Variants in LRBA observed in about 807,000 individuals in gnomAD.
The protein encoded by LRBA is lipopolysaccharide-responsive and beige-like anchor protein.
Under a neutral mutation model 330.0 loss-of-function variants are expected in LRBA, and 176 were observed. The observed-to-expected ratio is 0.53, with a 90% confidence interval of 0.47 to 0.60. The LOEUF (loss-of-function observed/expected upper bound fraction) is 0.60, where lower values mean the gene tolerates loss of function less well. Ranked by LOEUF, LRBA falls within the 20% of genes least tolerant of loss-of-function variation. LRBA has a pLI of 0.00. For missense variants in LRBA, 3,259 were observed against 3,444.8 expected, an observed-to-expected ratio of 0.95 and a Z score of 1.35; for synonymous variants, 1,230 against 1,193.0, an observed-to-expected ratio of 1.03 and a Z score of -0.64.
chr4:150,953,682 G>C (rs913447314), intron 2 of LRBA, among the ~76,000 whole-genome samples: 1 of 152,050 alleles, frequency 6.6e-6, no homozygotes, highest in Non-Finnish European at 1.5e-5. Flanking sequence ...TGCCCAGGCT[G>C]GAGTGCAGTG....
At chr4:150,860,828 G>C (rs1751826030) in intron 22 of LRBA, among the ~76,000 whole-genome samples, 1 of 151,354 alleles carries the variant, frequency 6.6e-6, no homozygotes, top group Non-Finnish European at 1.5e-5. Context: ...AAAAAAAAAA[G>C]AAATATATAA....
chr4:150,597,050 T>A lies in LRBA; in HGVS notation c.6046+1957A>T, dbSNP rs1027468384. The A allele has an allele frequency of 1.1e-5, 13 of 1,145,218 alleles. No homozygotes were observed. The Admixed American group carries it at 2.1e-4, about 19-fold the overall frequency. 70.9% of individuals were successfully genotyped at this position (1,145,218 alleles called of 1,614,324 possible). A position where few individuals can be genotyped will look rare whatever the true frequency, so the allele number is the denominator to read the frequency against. On this transcript the variant is annotated intron_variant, in intron 38 of 56. Transcript: ENST00000651943. ...ACATTTTGGAGTATGACAATAATCATAAAATTACTATAAAATATTACTCAA... is the reference window on the plus strand; with the variant it reads ...ACATTTTGGAGTATGACAATAATCAAAAAATTACTATAAAATATTACTCAA...
intron 44 of LRBA, among the ~76,000 whole-genome samples, chr4:150,454,205 C>T (rs752620103): frequency 4.6e-5 from 7 of 152,032 alleles, no homozygotes; most frequent in East Asian, 1.9e-4. Context: ...ATGATCTGAC[C>T]GCCTTGGCCT....
chr4:150,791,080 A>G (rs1739838700), intron 34 of LRBA, among the ~76,000 whole-genome samples: 1 of 152,222 alleles, frequency 6.6e-6, no homozygotes, highest in African/African-American at 2.4e-5. Context: ...ACTGAAACCA[A>G]CATTTTCCAA....
intron 37 of LRBA, among the ~76,000 whole-genome samples, chr4:150,674,585 T>A (rs1396770870): frequency 1.3e-5 from 2 of 152,134 alleles, no homozygotes; most frequent in Non-Finnish European, 2.9e-5. Flanking sequence ...TTAAAAAACA[T>A]CCTAATACTG....
intron 46 of LRBA, chr4:150,423,713 C>A (rs192168449): frequency 1.4e-3 from 275 of 190,146 alleles, no homozygotes; most frequent in Non-Finnish European, 2.4e-3. Context: ...AGCTCCAGCA[C>A]CAGGCAGAGA....
In LRBA at chr4:150,584,007, C is replaced by T. The variant is rs200543214; in HGVS notation, c.6330+4041G>A. 9.3e-6 allele frequency: 15 copies of T among 1,614,120 alleles called. No individual in the cohort carries two copies. In the East Asian group the frequency reaches 3.3e-4, roughly 36 times the overall value. ...ACTACTTTCTGCCCAACCTCGACCT[C>T]TTTCAGGGCAAGCCCCATTCGGCCC... is the stretch of plus-strand genomic sequence containing the variant. On this transcript the variant is annotated intron_variant, in intron 40 of 56. Coordinates refer to ENST00000651943, the MANE Select transcript of LRBA (RefSeq NM_001364905.1).
intron 35 of LRBA, among the ~76,000 whole-genome samples, chr4:150,739,564 AAGG>A (rs1249958481): frequency 4.6e-5 from 7 of 152,188 alleles, no homozygotes. Flanking sequence ...AGAGTGTAAG[AAGG>A]AGATGGGGCT....
chr4:150,375,454 CTACT>C (rs2151875901), intron 47 of LRBA, among the ~76,000 whole-genome samples: 1 of 152,016 alleles, frequency 6.6e-6, no homozygotes, highest in African/African-American at 2.4e-5. Flanking sequence ...AACAGTCTCT[CTACT>C]TACTTTTTTT....
chr4:150,992,476 G>A (rs1742203974), intron 2 of LRBA, among the ~76,000 whole-genome samples: 2 of 152,262 alleles, frequency 1.3e-5, no homozygotes, highest in South Asian at 4.1e-4. Context: ...AGCATCAGAG[G>A]TCATGCCATA....
intron 2 of LRBA, among the ~76,000 whole-genome samples, chr4:150,994,104 T>G (rs1482447133): frequency 3.3e-5 from 5 of 150,138 alleles, no homozygotes; most frequent in Non-Finnish European, 7.4e-5. Context: ...AAATTTAGAA[T>G]ATATTGCCCC....
chr4:150,929,945 C>A (rs1438660629), intron 2 of LRBA, among the ~76,000 whole-genome samples: 3 of 152,096 alleles, frequency 2.0e-5, no homozygotes, highest in Non-Finnish European at 4.4e-5. Context: ...TTTCTGAATA[C>A]TTCTTGATTT....
chr4:150,894,167 C>T (rs1313206299), intron 16 of LRBA, among the ~76,000 whole-genome samples: 3 of 151,902 alleles, frequency 2.0e-5, no homozygotes, highest in African/African-American at 7.3e-5. Context: ...TTCTAAAATG[C>T]TACTAAATGT....
At chr4:150,591,141 T>C (rs1282201092) in intron 38 of LRBA, among the ~76,000 whole-genome samples, 1 of 152,054 alleles carries the variant, frequency 6.6e-6, no homozygotes, top group Non-Finnish European at 1.5e-5. Flanking sequence ...AGGGTAGGAG[T>C]GGTTCAAAAG....
At chr4:150,490,413 A>G (rs1194313872) in intron 41 of LRBA, among the ~76,000 whole-genome samples, 3 of 151,866 alleles carry the variant, frequency 2.0e-5, no homozygotes, top group African/African-American at 7.2e-5. Context: ...CCATCGTAAA[A>G]CTGCAAATTA....
At chr4:150,324,680 TTTCC>T (rs1733002535) in intron 49 of LRBA, among the ~76,000 whole-genome samples, 1 of 152,128 alleles carries the variant, frequency 6.6e-6, no homozygotes, top group African/African-American at 2.4e-5. Flanking sequence ...ACTGCTACTC[TTTCC>T]TTCCCAGTAT....
At chr4:150,825,818 A>G (rs1227107764) in intron 30 of LRBA, among the ~76,000 whole-genome samples, 4 of 152,202 alleles carry the variant, frequency 2.6e-5, no homozygotes, top group Admixed American at 2.6e-4. Flanking sequence ...TCATGACATT[A>G]TAAGAAAAAG....
Position 150,487,787 on chromosome 4 carries a change from C to T in LRBA, c.6496G>A (p.Val2166Ile), listed in dbSNP as rs748209042. The change falls in exon 42 of 57, where the codon GTT becomes ATT. Residue 2166 changes from valine (V) to isoleucine (I), a missense_variant. Transcript: ENST00000651943. ...FPDPATVKKVVNYLPRVGVGT... is the reference protein window; with the variant it reads ...FPDPATVKKVINYLPRVGVGT... ...ACGCCAACACGAGGTAGATAGTTAA[C>T]CACTTTCTTTACTGTTGCAGGGTCT... is the stretch of plus-strand genomic sequence containing the variant. The T allele has an allele frequency of 1.3e-6, 2 of 1,597,108 alleles. No homozygotes were observed. Among genetic ancestry groups the T allele is most frequent in the South Asian group, 1.1e-5 (1 of 89,162 alleles).
At chr4:151,011,976 C>G (rs1198831179) in intron 2 of LRBA, among the ~76,000 whole-genome samples, 1 of 152,054 alleles carries the variant, frequency 6.6e-6, no homozygotes, top group African/African-American at 2.4e-5. Context: ...CAGCTGCTTC[C>G]AAAGATTTTC....
Sources: gnomAD v4.1 joint callset for allele counts (sites outside exome capture counted in the v4.1 genomes callset) on GRCh38, gnomAD v4.1.1 for gene constraint, MANE v1.5 for transcripts, NCBI Gene and HGNC (gene_info 2026-07-23, HGNC 2026-07-21) for gene names.